Variants in JAKMIP2 observed in about 807,000 individuals in gnomAD.
The protein encoded by JAKMIP2 is janus kinase and microtubule-interacting protein 2.
JAKMIP2 carries 25 observed loss-of-function variants against 115.0 expected under a neutral mutation model. The observed-to-expected ratio is 0.22, with a 90% CI of 0.16 to 0.30. The LOEUF (loss-of-function observed/expected upper bound fraction) is 0.30. JAKMIP2 is among the 10% of genes least tolerant of loss of function. The pLI is 1.00. For missense variants in JAKMIP2, 642 were observed against 957.6 expected, an observed-to-expected ratio of 0.67 and a Z score of 4.35; for synonymous variants, 334 against 343.6, an observed-to-expected ratio of 0.97 and a Z score of 0.31.
intron 1 of JAKMIP2, among the ~76,000 whole-genome samples, chr5:147,691,615 T>C (rs889265355): frequency 3.9e-5 from 6 of 152,192 alleles, no homozygotes; most frequent in African/African-American, 1.2e-4. Flanking sequence ...CTTGTGTTCA[T>C]ATAGCACAAC....
intron 1 of JAKMIP2, among the ~76,000 whole-genome samples, chr5:147,690,855 T>C (rs565530824): frequency 1.9e-3 from 296 of 152,084 alleles, no homozygotes; most frequent in South Asian, 7.1e-3. Flanking sequence ...ACAAATTATA[T>C]ACCTGGATCT....
intron 1 of JAKMIP2, among the ~76,000 whole-genome samples, chr5:147,678,827 TA>T (rs968625525): frequency 6.6e-6 from 1 of 151,214 alleles, no homozygotes; most frequent in Non-Finnish European, 1.5e-5. Context: ...AATTGAAAAT[TA>T]AAAAAAAACT....
At chr5:147,630,648 C>T (rs556069806) in intron 14 of JAKMIP2, among the ~76,000 whole-genome samples, 19 of 152,212 alleles carry the variant, frequency 1.2e-4, no homozygotes, top group Admixed American at 1.0e-3. Context: ...AGCTCAATCT[C>T]ATAAGTACAG....
intron 16 of JAKMIP2, among the ~76,000 whole-genome samples, chr5:147,627,917 G>A (rs1052968408): frequency 1.2e-4 from 18 of 151,198 alleles, no homozygotes; most frequent in Admixed American, 7.9e-4. Flanking sequence ...TATTTGGCCC[G>A]TAGAATTCCC....
At position 147,586,758 on chromosome 5, in the gene JAKMIP2, C is replaced by CTTTTTTTTTTTTTT. The variant is rs5872028; in HGVS notation, c.*4935_*4948dup. On this transcript the variant is annotated 3_prime_UTR_variant, in exon 22 of 22. Coordinates refer to ENST00000616793, the MANE Select transcript of JAKMIP2 (RefSeq NM_001270941.2). Reference sequence around the variant, plus strand: ...TCCTCTCTCCCTCTTTTCTTTCTTTCTTTTTTTTTTTTTTTTTTGAGATGA... The same window carrying CTTTTTTTTTTTTTT: ...TCCTCTCTCCCTCTTTTCTTTCTTTCTTTTTTTTTTTTTTTTTTTTTTTTTTTTTTTTGAGATGA... 1.2e-5 allele frequency: 1 copy of CTTTTTTTTTTTTTT among 81,670 alleles called. No homozygotes were observed. Among genetic ancestry groups the CTTTTTTTTTTTTTT allele is most frequent in the Non-Finnish European group, 2.6e-5 (1 of 37,902 alleles). The allele number at this position is 81,670 out of a possible 1,614,324, so 5.1% of individuals were successfully genotyped here.
rs113224415 is a variant in JAKMIP2 at position 147,622,257 on chromosome 5, G to A, written c.2064+1364C>T. ...GTAAAAAGAAACTTTTAAAATTGTG[G>A]TAAAATGCACATAACATTTACAACC... is the stretch of plus-strand genomic sequence containing the variant. On this transcript the variant is annotated intron_variant, in intron 17 of 21. Coordinates refer to ENST00000616793, the MANE Select transcript of JAKMIP2 (RefSeq NM_001270941.2). Among the ~76,000 whole-genome samples the A allele has an allele frequency of 6.5e-3, 989 of 152,296 alleles. 53 individuals carry two copies. The East Asian group carries it at 0.13, about 20-fold the overall frequency.
chr5:147,735,286 T>C (rs1350830779), intron 1 of JAKMIP2, among the ~76,000 whole-genome samples: 1 of 152,158 alleles, frequency 6.6e-6, no homozygotes, highest in Admixed American at 6.6e-5. Context: ...GGTAAAGCGC[T>C]CTTCAAATGT....
At chr5:147,609,636 A>G (rs530029330) in intron 20 of JAKMIP2, among the ~76,000 whole-genome samples, 1 of 152,148 alleles carries the variant, frequency 6.6e-6, no homozygotes, top group South Asian at 2.1e-4. Context: ...ACCTTGCTTA[A>G]TCTGATGATT....
chr5:147,772,580 A>G (rs536333863), intron 1 of JAKMIP2, among the ~76,000 whole-genome samples: 1 of 151,626 alleles, frequency 6.6e-6, no homozygotes, highest in South Asian at 2.1e-4. Flanking sequence ...ATATTTTAAT[A>G]TCTCCTGAAA....
chr5:147,651,442 C>A (rs1177779817), intron 3 of JAKMIP2, among the ~76,000 whole-genome samples: 1 of 152,168 alleles, frequency 6.6e-6, no homozygotes, highest in East Asian at 1.9e-4. Flanking sequence ...TTAAAGAGAG[C>A]ATAGCCATTG....
chr5:147,640,580 C>A (rs1423717075), intron 9 of JAKMIP2, 124 bp downstream of exon 9: 3 of 963,194 alleles, frequency 3.1e-6, no homozygotes, highest in African/African-American at 3.3e-5. Context: ...AAATTGTTTA[C>A]TATTATGAGA....
intron 1 of JAKMIP2, among the ~76,000 whole-genome samples, chr5:147,701,368 A>AAAGG (rs1159623448): frequency 6.6e-6 from 1 of 152,186 alleles, no homozygotes; most frequent in Non-Finnish European, 1.5e-5. Flanking sequence ...CTCTACTTGA[A>AAAGG]AAGGAAGGAA....
intron 1 of JAKMIP2, among the ~76,000 whole-genome samples, chr5:147,697,576 G>A (rs1752154790): frequency 6.6e-6 from 1 of 152,190 alleles, no homozygotes; most frequent in Non-Finnish European, 1.5e-5. Flanking sequence ...TTGGGTCTAG[G>A]GCCACCCTGC....
Position 147,631,402 on chromosome 5 carries a change from T to C in JAKMIP2, c.1875+11A>G, listed in dbSNP as rs1757342848. ...ATTTCTACAAACATAAAAAATGAAATATCTGCCTACCTTAACACCTTCTTT... is the reference window on the plus strand; with the variant it reads ...ATTTCTACAAACATAAAAAATGAAACATCTGCCTACCTTAACACCTTCTTT... On this transcript the variant is annotated intron_variant, in intron 14 of 21. Coordinates refer to ENST00000616793, the MANE Select transcript of JAKMIP2 (RefSeq NM_001270941.2). 6.6e-7 allele frequency: 1 copy of C among 1,524,018 alleles called. No individual in the cohort carries two copies. The highest frequency in any genetic ancestry group is 1.4e-5 in the African/African-American group (1 of 71,770). The allele number at this position is 1,524,018 out of a possible 1,614,324, so 94.4% of individuals were successfully genotyped here.
intron 1 of JAKMIP2, among the ~76,000 whole-genome samples, chr5:147,701,364 T>G (rs560228518): frequency 6.6e-5 from 10 of 152,176 alleles, no homozygotes; most frequent in Non-Finnish European, 4.4e-5. Context: ...CAGCCTCTAC[T>G]TGAAAAGGAA....
intron 3 of JAKMIP2, among the ~76,000 whole-genome samples, chr5:147,657,723 T>A (rs1421178432): frequency 6.6e-6 from 1 of 152,030 alleles, no homozygotes; most frequent in East Asian, 1.9e-4. Flanking sequence ...TTTTCTCTAA[T>A]CTTGTCTGCA....
intron 2 of JAKMIP2, among the ~76,000 whole-genome samples, chr5:147,668,214 C>T (rs1314704955): frequency 6.6e-6 from 1 of 152,158 alleles, no homozygotes; most frequent in Non-Finnish European, 1.5e-5. Context: ...GCCCTGAGAA[C>T]CCTGTTCCCT....
intron 3 of JAKMIP2, among the ~76,000 whole-genome samples, chr5:147,657,234 C>T (rs1296956439): frequency 6.6e-5 from 10 of 152,260 alleles, no homozygotes; most frequent in Admixed American, 4.6e-4. Context: ...GAGCCGAGAT[C>T]GCGCCACTGC....
chr5:147,676,502 G>A lies in JAKMIP2; in HGVS notation c.-148-4548C>T, dbSNP rs149552436. On this transcript the variant is annotated intron_variant, in intron 1 of 21. Transcript: ENST00000616793. The stretch of plus-strand genomic sequence containing the variant: ...ATCCACTAAGGGCCAATCTCTACAG[G>A]AGCTTTACAACATAAAAAACTTGAA... Among the ~76,000 whole-genome samples, 332 of 152,280 alleles carry A rather than the reference G, an allele frequency of 2.2e-3. 1 individual carries two copies. Among genetic ancestry groups the A allele is most frequent in the African/African-American group, 7.4e-3 (306 of 41,554 alleles).
Sources: gnomAD v4.1 joint callset for allele counts (sites outside exome capture counted in the v4.1 genomes callset) on GRCh38, gnomAD v4.1.1 for gene constraint, MANE v1.5 for transcripts, NCBI Gene and HGNC (gene_info 2026-07-23, HGNC 2026-07-21) for gene names.